The following LBH variants were observed in gnomAD, a reference collection of about 807,000 sequenced individuals.
LBH encodes the protein protein LBH.
Under a neutral mutation model 12.5 loss-of-function variants are expected in LBH, and 7 were observed. That is an observed-to-expected ratio of 0.56 (90% CI 0.32 to 1.05). LBH has a LOEUF of 1.05. LBH is among the 50% of genes least tolerant of loss of function. The pLI is 0.04. For synonymous variants in LBH, 51 were observed against 50.1 expected, an observed-to-expected ratio of 1.02 and a Z score of -0.08; for missense variants, 119 against 138.9, an observed-to-expected ratio of 0.86 and a Z score of 0.72.
At chr2:30,242,302 G>A (rs931983015) in intron 2 of LBH, among the ~76,000 whole-genome samples, 1 of 151,876 alleles carries the variant, frequency 6.6e-6, no homozygotes, top group Non-Finnish European at 1.5e-5. Flanking sequence ...GGAGTACAGT[G>A]GTGCAATCTC....
At chr2:30,240,241 C>A (rs1016228068) in intron 2 of LBH, among the ~76,000 whole-genome samples, 4 of 152,160 alleles carry the variant, frequency 2.6e-5, no homozygotes, top group Admixed American at 6.5e-5. Context: ...TTGGCAGTCT[C>A]ATGAAGCCAA....
In LBH at chr2:30,259,758, C is replaced by T. The variant is rs1678163769; in HGVS notation, c.*2137C>T. 2 of 152,334 alleles carry T rather than the reference C, an allele frequency of 1.3e-5. No homozygotes were observed. The highest frequency in any genetic ancestry group is 1.3e-4 in the Admixed American group (2 of 15,254). The allele number at this position is 152,334 out of a possible 1,614,324, so 9.4% of individuals were successfully genotyped here. On this transcript the variant is annotated 3_prime_UTR_variant, in exon 3 of 3. Coordinates refer to ENST00000395323, the MANE Select transcript of LBH (RefSeq NM_030915.4). ...AATGTCAGGACCCTCAGCGGTGGAG[C>T]CTGCTGGGGGGACCCAGCTGCTCTT...
chr2:30,237,906 G>A (rs1290190919), intron 2 of LBH, among the ~76,000 whole-genome samples: 1 of 152,166 alleles, frequency 6.6e-6, no homozygotes, highest in Non-Finnish European at 1.5e-5. Flanking sequence ...GCTGTGGGTG[G>A]CGGCCAGCTC....
intron 2 of LBH, among the ~76,000 whole-genome samples, chr2:30,250,042 C>T (rs970954668): frequency 1.3e-5 from 2 of 152,138 alleles, no homozygotes; most frequent in Non-Finnish European, 2.9e-5. Flanking sequence ...GGCTCAGAGG[C>T]GATAAAATGA....
intron 2 of LBH, among the ~76,000 whole-genome samples, chr2:30,243,457 A>T (rs555987881): frequency 2.9e-4 from 44 of 152,032 alleles, no homozygotes; most frequent in Middle Eastern, 3.4e-3. Flanking sequence ...CTGGGGTTCC[A>T]GATCTGGCTC....
chr2:30,245,924 T>C (rs987280495), intron 2 of LBH, among the ~76,000 whole-genome samples: 2 of 151,928 alleles, frequency 1.3e-5, no homozygotes, highest in Non-Finnish European at 2.9e-5. Context: ...TTACCAGTTT[T>C]AAAATATGTT....
chr2:30,254,785 C>T (rs1372160946), intron 2 of LBH, among the ~76,000 whole-genome samples: 1 of 152,200 alleles, frequency 6.6e-6, no homozygotes, highest in Non-Finnish European at 1.5e-5. Flanking sequence ...AGGGTGGAGG[C>T]AGGGCCAGGC....
intron 2 of LBH, among the ~76,000 whole-genome samples, chr2:30,251,139 T>C (rs1677971966): frequency 6.7e-6 from 1 of 150,256 alleles, no homozygotes; most frequent in South Asian, 2.1e-4. Context: ...ATTGCAGCCT[T>C]AACCTTCCAG....
Position 30,259,141 on chromosome 2 carries a change from G to A in LBH, c.*1520G>A, listed in dbSNP as rs1268675003. 1 of 152,766 alleles carries A rather than the reference G, an allele frequency of 6.5e-6. No individual in the cohort carries two copies. Among genetic ancestry groups the A allele is most frequent in the Non-Finnish European group, 1.5e-5 (1 of 68,176 alleles). 9.5% of individuals were successfully genotyped at this position (152,766 alleles called of 1,614,324 possible). A position where few individuals can be genotyped will look rare whatever the true frequency, so the allele number is the denominator to read the frequency against. On this transcript the variant is annotated 3_prime_UTR_variant, in exon 3 of 3. Coordinates refer to ENST00000395323, the MANE Select transcript of LBH (RefSeq NM_030915.4). Reference sequence around the variant, plus strand: ...CCAAGGCACGCAGCATGTCCCCTCAGGTCTCCAGTCAGTCCAGGTTGACCC... The same window carrying A: ...CCAAGGCACGCAGCATGTCCCCTCAAGTCTCCAGTCAGTCCAGGTTGACCC...
At chr2:30,232,285 C>G in intron 1 of LBH, 2 of 1,480,936 alleles carry the variant, frequency 1.4e-6, no homozygotes, top group East Asian at 2.6e-5. Context: ...CCACTAAAGC[C>G]ACAAGCAGCA....
intron 2 of LBH, among the ~76,000 whole-genome samples, chr2:30,251,153 C>T (rs980244503): frequency 6.7e-6 from 1 of 149,424 alleles, no homozygotes; most frequent in African/African-American, 2.5e-5. Flanking sequence ...CTTCCAGGCT[C>T]AGGCAATCCT....
intron 2 of LBH, among the ~76,000 whole-genome samples, chr2:30,238,730 C>G (rs1023108209): frequency 6.6e-6 from 1 of 152,148 alleles, no homozygotes. Flanking sequence ...GTATTTGCCT[C>G]GTGCAGTTGG....
rs1283488629 is a variant in LBH, at chr2:30,257,788, G to C, written c.*167G>C. 2 of 433,588 alleles carry C rather than the reference G, an allele frequency of 4.6e-6. No homozygotes were observed. Among genetic ancestry groups the C allele is most frequent in the Admixed American group, 5.3e-5 (1 of 18,954 alleles). The allele number at this position is 433,588 out of a possible 1,614,324, so 26.9% of individuals were successfully genotyped here. A position where few individuals can be genotyped will look rare whatever the true frequency, so the allele number is the denominator to read the frequency against. ...CGAGTTGGTTTTCTTTTCTTTTCTTGCCTTTTTTTTTTTTTGAAATTTGCC... is the reference window on the plus strand; with the variant it reads ...CGAGTTGGTTTTCTTTTCTTTTCTTCCCTTTTTTTTTTTTTGAAATTTGCC... On this transcript the variant is annotated 3_prime_UTR_variant, in exon 3 of 3. Coordinates refer to ENST00000395323, the MANE Select transcript of LBH (RefSeq NM_030915.4).
intron 2 of LBH, among the ~76,000 whole-genome samples, chr2:30,251,195 C>T (rs1677972923): frequency 6.6e-6 from 1 of 151,758 alleles, no homozygotes; most frequent in African/African-American, 2.4e-5. Flanking sequence ...GCTAGGATTA[C>T]AGGCATGAGC....
intron 2 of LBH, among the ~76,000 whole-genome samples, chr2:30,246,473 C>A (rs1677870850): frequency 6.6e-6 from 1 of 152,186 alleles, no homozygotes; most frequent in South Asian, 2.1e-4. Context: ...AGTAACAAAA[C>A]TGTTACATGT....
intron 2 of LBH, among the ~76,000 whole-genome samples, chr2:30,237,106 G>A (rs1007573623): frequency 3.9e-5 from 6 of 152,200 alleles, no homozygotes; most frequent in Non-Finnish European, 8.8e-5. Context: ...GCTCAGGCTC[G>A]GCTCAGGCCT....
intron 2 of LBH, among the ~76,000 whole-genome samples, chr2:30,251,078 A>G (rs1175010267): frequency 6.9e-6 from 1 of 145,436 alleles, no homozygotes; most frequent in Non-Finnish European, 1.5e-5. Context: ...TTTTTGAGAA[A>G]GGGTCTTGTT....
intron 1 of LBH, chr2:30,232,309 A>T: frequency 1.1e-5 from 16 of 1,423,102 alleles, no homozygotes; most frequent in Non-Finnish European, 1.5e-5. Context: ...CACGCGCTGC[A>T]GCCTCTCAAC....
intron 1 of LBH, chr2:30,232,009 G>T: frequency 8.9e-7 from 1 of 1,126,956 alleles, no homozygotes; most frequent in South Asian, 1.7e-5. Flanking sequence ...GACGGCCGGA[G>T]GGTTTGTATT....
Sources: gnomAD v4.1 joint callset for allele counts (sites outside exome capture counted in the v4.1 genomes callset) on GRCh38, gnomAD v4.1.1 for gene constraint, MANE v1.5 for transcripts, NCBI Gene and HGNC (gene_info 2026-07-23, HGNC 2026-07-21) for gene names.